Variants in SUCLG2 observed in about 807,000 individuals in gnomAD.
SUCLG2 encodes succinate--CoA ligase [GDP-forming] subunit beta, mitochondrial.
A neutral mutation model predicts 47.9 loss-of-function variants in SUCLG2; 42 were observed. That is an observed-to-expected ratio of 0.88 (90% CI 0.69 to 1.14). The LOEUF is 1.14. Ranked by LOEUF, SUCLG2 falls within the 50% of genes most tolerant of loss-of-function variation. The pLI, the probability that SUCLG2 is intolerant of heterozygous loss-of-function variation, is 0.00. For missense variants in SUCLG2, 571 were observed against 525.9 expected (o/e 1.09, Z -0.84); for synonymous variants, 195 against 197.3 (o/e 0.99, Z 0.10).
At position 67,528,187 on chromosome 3, in the gene SUCLG2, A is replaced by G. The variant is rs978889066; in HGVS notation, c.362T>C (p.Ile121Thr). 3.5e-5 allele frequency: 57 copies of G among 1,613,800 alleles called. No homozygotes were observed. The highest frequency in any genetic ancestry group is 4.2e-5 in the Non-Finnish European group (49 of 1,179,884). The change falls in exon 4 of 11, where the codon ATT (isoleucine) becomes ACT (threonine). Residue 121 changes from isoleucine to threonine, a missense_variant. Transcript: ENST00000307227. ...TTGTTTTGTCGCTAGATTGTACCCA[A>G]TCATCTGTTTAGCCAGCTGTCCCAC... ...NVVGQLAKQMIGYNLATKQTP... is the reference protein window; with the variant it reads ...NVVGQLAKQMTGYNLATKQTP...
chr3:67,552,330 T>C (rs954358303), intron 2 of SUCLG2, among the ~76,000 whole-genome samples: 2 of 151,166 alleles, frequency 1.3e-5, no homozygotes, highest in Non-Finnish European at 2.9e-5. Flanking sequence ...CCTTTTACTG[T>C]CTATTTAACC....
At chr3:67,436,229 C>A (rs1703617589) in intron 9 of SUCLG2, among the ~76,000 whole-genome samples, 1 of 152,134 alleles carries the variant, frequency 6.6e-6, no homozygotes, top group Non-Finnish European at 1.5e-5. Flanking sequence ...AAAACAAAAT[C>A]TTGCTCTGCT....
chr3:67,501,219 T>A (rs958360242), intron 7 of SUCLG2, among the ~76,000 whole-genome samples: 1 of 152,164 alleles, frequency 6.6e-6, no homozygotes, highest in Non-Finnish European at 1.5e-5. Context: ...AAGTAATTTA[T>A]TTAGAGGACT....
intron 1 of SUCLG2, among the ~76,000 whole-genome samples, chr3:67,613,554 G>A (rs1440436967): frequency 6.6e-6 from 1 of 152,138 alleles, no homozygotes; most frequent in Non-Finnish European, 1.5e-5. Context: ...CATTCAAGAT[G>A]GTAGCTGATC....
At chr3:67,605,913 C>T (rs1043723758) in intron 2 of SUCLG2, among the ~76,000 whole-genome samples, 1 of 151,954 alleles carries the variant, frequency 6.6e-6, no homozygotes, top group Non-Finnish European at 1.5e-5. Context: ...AGCAGAAATT[C>T]TATTAAAAGC....
chr3:67,651,683 GT>G (rs1303838320), intron 1 of SUCLG2, among the ~76,000 whole-genome samples: 4 of 152,158 alleles, frequency 2.6e-5, no homozygotes, highest in Non-Finnish European at 5.9e-5. Context: ...TCTGTACCTA[GT>G]TAGCTGGGTT....
chr3:67,654,212 C>A (rs947095188), intron 1 of SUCLG2, among the ~76,000 whole-genome samples: 1 of 152,260 alleles, frequency 6.6e-6, no homozygotes, highest in Non-Finnish European at 1.5e-5. Flanking sequence ...TTGCGTCCAG[C>A]GCCTGCTTCA....
At chr3:67,398,300 C>T (rs967572565) in intron 10 of SUCLG2, among the ~76,000 whole-genome samples, 17 of 150,666 alleles carry the variant, frequency 1.1e-4, no homozygotes, top group African/African-American at 3.7e-4. Context: ...CCAGAATCTA[C>T]AATGAACTCA....
chr3:67,468,070 T>C (rs1704517411), intron 9 of SUCLG2, among the ~76,000 whole-genome samples: 1 of 152,080 alleles, frequency 6.6e-6, no homozygotes, highest in Admixed American at 6.6e-5. Flanking sequence ...TGGTGTCAAA[T>C]TCTGTATGAT....
chr3:67,601,797 C>T (rs1198922051), intron 2 of SUCLG2, among the ~76,000 whole-genome samples: 1 of 152,092 alleles, frequency 6.6e-6, no homozygotes, highest in Non-Finnish European at 1.5e-5. Flanking sequence ...TCCTGGCCAA[C>T]ATGGCGAAAC....
At chr3:67,492,576 A>G (rs1050433764) in intron 9 of SUCLG2, among the ~76,000 whole-genome samples, 2 of 152,196 alleles carry the variant, frequency 1.3e-5, no homozygotes, top group Non-Finnish European at 2.9e-5. Context: ...CTTTAAATCA[A>G]AATGATGAAG....
chr3:67,653,214 A>C (rs572800121), intron 1 of SUCLG2, among the ~76,000 whole-genome samples: 53 of 152,302 alleles, frequency 3.5e-4, no homozygotes, highest in African/African-American at 1.2e-3. Flanking sequence ...TAAGCACCCT[A>C]GTTCTTGTTT....
In SUCLG2 at chr3:67,406,472, C is replaced by T. The variant is rs538718815; in HGVS notation, c.1063-5621G>A. On this transcript the variant is annotated intron_variant, in intron 9 of 10. Transcript: ENST00000307227. The stretch of plus-strand genomic sequence containing the variant: ...TATTACACCAGGTGGTGAGGGAGGG[C>T]CTCTCATAGGCAGAGACATTTAAGC... Among the ~76,000 whole-genome samples, 6 of 152,216 alleles carry T rather than the reference C, an allele frequency of 3.9e-5. No individual in the cohort carries two copies. The South Asian group carries it at 1.0e-3, about 26-fold the overall frequency.
At chr3:67,565,039 A>G (rs2094656958) in intron 2 of SUCLG2, among the ~76,000 whole-genome samples, 1 of 152,138 alleles carries the variant, frequency 6.6e-6, no homozygotes, top group Admixed American at 6.5e-5. Flanking sequence ...TTGAAATTAA[A>G]GTAATGAGTG....
chr3:67,612,176 T>C (rs1160649755), intron 1 of SUCLG2, among the ~76,000 whole-genome samples: 2 of 152,050 alleles, frequency 1.3e-5, no homozygotes, highest in Non-Finnish European at 1.5e-5. Context: ...CTGGGCAACA[T>C]AGTGAGACCC....
At chr3:67,395,201 T>G (rs1372038824) in intron 10 of SUCLG2, among the ~76,000 whole-genome samples, 1 of 151,946 alleles carries the variant, frequency 6.6e-6, no homozygotes, top group African/African-American at 2.4e-5. Flanking sequence ...ATGGACTAAA[T>G]GCTCCAATTA....
intron 10 of SUCLG2, among the ~76,000 whole-genome samples, chr3:67,391,126 C>T (rs1220956270): frequency 6.6e-6 from 1 of 152,188 alleles, no homozygotes; most frequent in Non-Finnish European, 1.5e-5. Context: ...TTTTCTTTTG[C>T]CAAATGTCTT....
intron 10 of SUCLG2, among the ~76,000 whole-genome samples, chr3:67,399,560 T>C (rs1430884718): frequency 2.6e-5 from 4 of 152,222 alleles, no homozygotes; most frequent in African/African-American, 9.6e-5. Flanking sequence ...CCCTGTGAAC[T>C]TGACAGCTTC....
At chr3:67,526,470 C>A in intron 4 of SUCLG2, among the ~76,000 whole-genome samples, 1 of 152,236 alleles carries the variant, frequency 6.6e-6, no homozygotes, top group East Asian at 1.9e-4. Flanking sequence ...GGCTCTGCCT[C>A]TTAATGCAAA....
Sources: allele counts gnomAD v4.1 joint callset (sites outside exome capture counted in the v4.1 genomes callset), GRCh38; gene constraint gnomAD v4.1.1; transcripts MANE v1.5; gene names NCBI Gene and HGNC (gene_info 2026-07-23, HGNC 2026-07-21).